LRTM2: variants seen among roughly 807,000 people sequenced by gnomAD.
LRTM2 encodes the protein leucine rich repeat transmembrane protein 2, also known as leucine-rich repeat and transmembrane domain-containing protein 2.
In LRTM2, 18 loss-of-function variants were observed where a neutral mutation model predicts 28.1. That is an observed-to-expected ratio of 0.64 (90% CI 0.44 to 0.95). The LOEUF is 0.95. Among genes scored for constraint, LRTM2 ranks in the 40% least tolerant of loss-of-function variants. The pLI is 0.00. For missense variants in LRTM2, 436 were observed against 497.2 expected (o/e 0.88, Z 1.17); for synonymous variants, 250 against 218.7 (o/e 1.14, Z -1.26).
chr12:1,830,718 G>A (rs933646699), intron 3 of LRTM2, among the ~76,000 whole-genome samples: 1 of 152,202 alleles, frequency 6.6e-6, no homozygotes, highest in African/African-American at 2.4e-5. Context: ...AAGGCAGGGC[G>A]CCCTGCAGAC....
chr12:1,831,328 A>C lies in LRTM2; in HGVS notation c.461A>C (p.Gln154Pro). Residue 154 changes from glutamine (Q) to proline (P), a missense_variant, in exon 4 of 5, where the codon CAG becomes CCG. Coordinates refer to ENST00000299194, the MANE Select transcript of LRTM2 (RefSeq NM_001039029.3). ...GACCTGTCCATCAACGGCCTGGCCC[A>C]GTTGCCCCCTGGTCTTTTCGACGGG... ...HLDLSINGLA[Q>P]LPPGLFDGLL... 6.2e-7 allele frequency: 1 copy of C among 1,613,866 alleles called. No individual in the cohort carries two copies. Among genetic ancestry groups the C allele is most frequent in the Non-Finnish European group, 8.5e-7 (1 of 1,180,048 alleles).
intron 4 of LRTM2, 121 bp downstream of exon 4, chr12:1,831,646 C>A (rs1399039365): frequency 1.8e-5 from 15 of 815,940 alleles, no homozygotes; most frequent in Non-Finnish European, 2.7e-5. Flanking sequence ...AAGGGGGCGA[C>A]CCTGCCTCTG....
In LRTM2 at chr12:1,831,351, G is replaced by A. The variant is rs377675302; in HGVS notation, c.484G>A (p.Gly162Arg). The A allele has an allele frequency of 3.2e-5, 51 of 1,613,700 alleles. No individual in the cohort carries two copies. The highest frequency in any genetic ancestry group is 2.5e-4 in the East Asian group (11 of 44,884). The change falls in exon 4 of 5, where the codon GGG becomes AGG. Residue 162 changes from glycine (G) to arginine (R), a missense_variant. By Grantham distance (125) the Gly-to-Arg change is moderately radical. Transcript: ENST00000299194. The stretch of plus-strand genomic sequence containing the variant: ...CCAGTTGCCCCCTGGTCTTTTCGAC[G>A]GGCTCCTGGCTCTGCGCTCCCTCTC... ...LAQLPPGLFD[G>R]LLALRSLSLR...
rs1263664176 is a variant in LRTM2, at chr12:1,833,491, C to T, written c.659-776C>T. Reference sequence around the variant, plus strand: ...CATCATGAAGACATCCTGGCGAGCCCGTGCGCCCAGGTACCCACACCTCCT... The same window carrying T: ...CATCATGAAGACATCCTGGCGAGCCTGTGCGCCCAGGTACCCACACCTCCT... On this transcript the variant is annotated intron_variant, in intron 4 of 4. Transcript: ENST00000299194. This position sits in a 1 kb window ranked among gnomAD's most constrained non-coding sequence, Gnocchi z 4.2. 6.6e-6 allele frequency among the ~76,000 whole-genome samples: 1 copy of T among 152,164 alleles called. No individual in the cohort carries two copies.
Position 1,831,049 on chromosome 12 carries a change from C to A in LRTM2, c.182C>A (p.Thr61Lys). 6.2e-7 allele frequency: 1 copy of A among 1,614,108 alleles called. No homozygotes were observed. The highest frequency in any genetic ancestry group is 8.5e-7 in the Non-Finnish European group (1 of 1,180,046). ...GACTGCAGTGGCCTTGGCCTCACCA[C>A]GGTGCCCCCAGACGTGCCCGCAGCC... The part of the protein sequence containing the change: ...EVDCSGLGLT[T>K]VPPDVPAATR... The change falls in exon 4 of 5, where the codon ACG (threonine) becomes AAG (lysine). Residue 61 changes from threonine to lysine, a missense_variant. Coordinates refer to ENST00000299194, the MANE Select transcript of LRTM2 (RefSeq NM_001039029.3).
intron 1 of LRTM2, among the ~76,000 whole-genome samples, chr12:1,824,794 T>C (rs1864248565): frequency 6.6e-6 from 1 of 152,140 alleles, no homozygotes; most frequent in Admixed American, 6.5e-5. Flanking sequence ...GGCGTGTTGG[T>C]AGGCAGAGGC....
Position 1,831,237 on chromosome 12 carries a change from C to A in LRTM2, c.370C>A (p.Arg124Ser). 6.2e-7 allele frequency: 1 copy of A among 1,613,816 alleles called. No homozygotes were observed. Among genetic ancestry groups the A allele is most frequent in the South Asian group, 1.1e-5 (1 of 91,084 alleles). The change falls in exon 4 of 5, where the codon CGC (arginine) becomes AGC (serine). Residue 124 changes from arginine to serine, a missense_variant. Transcript: ENST00000299194. ...DLTNLTELQL[R>S]NNSIRTLDRD... Reference sequence around the variant, plus strand: ...GACGAATCTGACTGAGCTTCAGCTGCGCAATAACAGCATCAGGACCCTGGA... The same window carrying A: ...GACGAATCTGACTGAGCTTCAGCTGAGCAATAACAGCATCAGGACCCTGGA...
intron 1 of LRTM2, among the ~76,000 whole-genome samples, chr12:1,821,117 G>A (rs552838425): frequency 3.9e-5 from 6 of 152,300 alleles, no homozygotes; most frequent in East Asian, 1.9e-4. Flanking sequence ...CATAGAAACC[G>A]GTCCCTGCAG....
Position 1,831,374 on chromosome 12 carries a change from C to G in LRTM2, c.507C>G (p.Leu169=), listed in dbSNP as rs775199067. 3 of 1,614,044 alleles carry G rather than the reference C, an allele frequency of 1.9e-6. No homozygotes were observed. Among genetic ancestry groups the G allele is most frequent in the South Asian group, 2.2e-5 (2 of 91,090 alleles). ...LFDGLLALRS[L]SLRSNRLQNL... ...ACGGGCTCCTGGCTCTGCGCTCCCT[C>G]TCGCTTCGCTCCAACCGTCTGCAGA... Residue 169 remains leucine (L), a synonymous_variant, in exon 4 of 5, where the codon CTC becomes CTG. Coordinates refer to ENST00000299194, the MANE Select transcript of LRTM2 (RefSeq NM_001039029.3).
At chr12:1,822,453 A>G (rs949889301) in intron 1 of LRTM2, among the ~76,000 whole-genome samples, 1 of 150,728 alleles carries the variant, frequency 6.6e-6, no homozygotes, top group Non-Finnish European at 1.5e-5. Flanking sequence ...TGGGAATACC[A>G]CCCTGAGCCC....
chr12:1,825,052 A>G lies in LRTM2; in HGVS notation c.-258-2358A>G, dbSNP rs1864259758. ...CATTTCTCTAAACAATACCAGGATC[A>G]ACAGTGTCCTGCCACCTTGCAAGAC... On this transcript the variant is annotated intron_variant, in intron 1 of 4. Coordinates refer to ENST00000299194, the MANE Select transcript of LRTM2 (RefSeq NM_001039029.3). 3.9e-5 allele frequency among the ~76,000 whole-genome samples: 6 copies of G among 152,336 alleles called. No individual in the cohort carries two copies. In the South Asian group the frequency reaches 1.2e-3, roughly 32 times the overall value.
intron 1 of LRTM2, among the ~76,000 whole-genome samples, chr12:1,825,009 G>A (rs1864258242): frequency 6.6e-6 from 1 of 152,216 alleles, no homozygotes; most frequent in East Asian, 1.9e-4. Context: ...CATGAACCTG[G>A]GGGCCTTGTT....
intron 1 of LRTM2, among the ~76,000 whole-genome samples, chr12:1,821,067 G>A (rs1200858099): frequency 3.3e-5 from 5 of 152,232 alleles, no homozygotes; most frequent in East Asian, 3.8e-4. Flanking sequence ...GGGAAGTGGG[G>A]AGGAGGGCAG....
Position 1,834,556 on chromosome 12 carries a change from C to A in LRTM2, c.948C>A (p.Val316=). 4 of 1,602,752 alleles carry A rather than the reference C, an allele frequency of 2.5e-6. No homozygotes were observed. The highest frequency in any genetic ancestry group is 3.4e-6 in the Non-Finnish European group (4 of 1,179,904). Residue 316 remains valine (V), a synonymous_variant, in exon 5 of 5, where the codon GTC becomes GTA. Transcript: ENST00000299194. The surrounding 1 kb of genome is among the most constrained non-coding windows in gnomAD (Gnocchi z 7.6). ...TGGGCACGGTGATCATTGCAGGGGT[C>A]GTGTGCGGCGTCGTCTGCATCATGA... The part of the protein sequence containing the change: ...RAMGTVIIAG[V]VCGVVCIMMV...
chr12:1,835,415 GAATT>G lies in LRTM2; in HGVS notation c.*698_*701del, dbSNP rs147240417. 296 of 151,996 alleles carry G rather than the reference GAATT, an allele frequency of 1.9e-3. 1 individual carries two copies. The highest frequency in any genetic ancestry group is 8.7e-3 in the East Asian group (45 of 5,178). 9.4% of individuals were successfully genotyped at this position (151,996 alleles called of 1,614,324 possible). A position where few individuals can be genotyped will look rare whatever the true frequency, so the allele number is the denominator to read the frequency against. Reference sequence around the variant, plus strand: ...ACCAGTGCGGTCACATGGATTGAAAGAATTAATACACACACACACACACACACAC... The same window carrying G: ...ACCAGTGCGGTCACATGGATTGAAAGAATACACACACACACACACACACAC... On this transcript the variant is annotated 3_prime_UTR_variant, in exon 5 of 5. Coordinates refer to ENST00000299194, the MANE Select transcript of LRTM2 (RefSeq NM_001039029.3).
rs1369351764 is a variant in LRTM2 at position 1,828,326 on chromosome 12, A to G, written c.67+111A>G. The G allele has an allele frequency of 7.3e-6, 7 of 956,676 alleles. No homozygotes were observed. Among genetic ancestry groups the G allele is most frequent in the South Asian group, 1.9e-5 (1 of 52,206 alleles). 59.3% of individuals were successfully genotyped at this position (956,676 alleles called of 1,614,324 possible). On this transcript the variant is annotated intron_variant, in intron 3 of 4. Coordinates refer to ENST00000299194, the MANE Select transcript of LRTM2 (RefSeq NM_001039029.3). The surrounding 1 kb of genome is among the most constrained non-coding windows in gnomAD (Gnocchi z 4.2). ...CCACACTCAGGCTGCAGGGAGGCCTACGCCAGATCTTCCTGGGGTACCCGA... is the reference window on the plus strand; with the variant it reads ...CCACACTCAGGCTGCAGGGAGGCCTGCGCCAGATCTTCCTGGGGTACCCGA...
chr12:1,828,124 G>A lies in LRTM2; in HGVS notation c.-25G>A. On this transcript the variant is annotated 5_prime_UTR_variant, in exon 3 of 5. Transcript: ENST00000299194. The surrounding 1 kb of genome is among the most constrained non-coding windows in gnomAD (Gnocchi z 4.2). The stretch of plus-strand genomic sequence containing the variant: ...GGCTCCTCTCTCCCCAGAGCGACAG[G>A]GCCCGGAGAGCCGTGGGCCTCACCA... The A allele has an allele frequency of 1.3e-6, 2 of 1,519,316 alleles. No individual in the cohort carries two copies. The highest frequency in any genetic ancestry group is 1.8e-6 in the Non-Finnish European group (2 of 1,131,086). 94.1% of individuals were successfully genotyped at this position (1,519,316 alleles called of 1,614,324 possible).
intron 2 of LRTM2, 152 bp from the exon 3 acceptor site, chr12:1,827,924 G>C: frequency 2.4e-6 from 1 of 411,402 alleles, no homozygotes. Context: ...AGGCTTCCTG[G>C]CTCCTCTTCT....
rs1331743227 is a variant in LRTM2 at position 1,833,880 on chromosome 12, C to T, written c.659-387C>T. Among the ~76,000 whole-genome samples, 1 of 152,120 alleles carries T rather than the reference C, an allele frequency of 6.6e-6. No homozygotes were observed. Among genetic ancestry groups the T allele is most frequent in the African/African-American group, 2.4e-5 (1 of 41,410 alleles). ...TCGGGGGCAGAGAGTGTGGCAGGGA[C>T]GCTCAGCTCTCTAATGACAGCCCTT... is the stretch of plus-strand genomic sequence containing the variant. On this transcript the variant is annotated intron_variant, in intron 4 of 4. Transcript: ENST00000299194. This position sits in a 1 kb window ranked among gnomAD's most constrained non-coding sequence, Gnocchi z 4.2.
Sources: allele counts gnomAD v4.1 joint callset (sites outside exome capture counted in the v4.1 genomes callset), GRCh38; gene constraint gnomAD v4.1.1; non-coding constraint Gnocchi (gnomAD v3.1); transcripts MANE v1.5; gene names NCBI Gene and HGNC (gene_info 2026-07-23, HGNC 2026-07-21).